The following DOCK11 variants were observed in gnomAD, a reference collection of about 807,000 sequenced individuals.
DOCK11 encodes the protein dedicator of cytokinesis 11.
Under a neutral mutation model 169.1 loss-of-function variants are expected in DOCK11, and 70 were observed. The observed-to-expected ratio is 0.41, with a 90% confidence interval of 0.34 to 0.51. DOCK11 has a LOEUF of 0.51. Among genes scored for constraint, DOCK11 ranks in the 20% least tolerant of loss-of-function variants. The pLI, the probability that DOCK11 is intolerant of heterozygous loss-of-function variation, is 0.10. For missense variants in DOCK11, 1,166 were observed against 1,538.8 expected, an observed-to-expected ratio of 0.76 and a Z score of 4.05; for synonymous variants, 529 against 541.3, an observed-to-expected ratio of 0.98 and a Z score of 0.32.
chrX:118,664,204 G>A (rs1315671896), intron 45 of DOCK11, among the ~76,000 whole-genome samples: 1 of 111,144 alleles, frequency 9.0e-6, no homozygotes, highest in Non-Finnish European at 1.9e-5. Context: ...CTGTGGGAGG[G>A]GAAGGGTCAA....
intron 4 of DOCK11, among the ~76,000 whole-genome samples, 185 bp downstream of exon 4, chrX:118,543,778 G>T (rs992002909): frequency 1.3e-4 from 14 of 111,880 alleles, no homozygotes; most frequent in African/African-American, 3.6e-4. Flanking sequence ...GTGAAACCCT[G>T]TCTCTACTAA....
intron 7 of DOCK11, 103 bp from the exon 8 acceptor site, chrX:118,565,902 G>A (rs766363300): frequency 1.2e-4 from 91 of 772,824 alleles, no homozygotes; most frequent in Non-Finnish European, 1.7e-4. Context: ...AAGTCTTGAC[G>A]CACATATGCA....
At chrX:118,568,370 T>TTA (rs397839351) in intron 10 of DOCK11, among the ~76,000 whole-genome samples, 193 of 36,631 alleles carry the variant, frequency 5.3e-3, no homozygotes, top group Admixed American at 7.4e-3. Flanking sequence ...TGGGGCTGAA[T>TTA]TATATATATA....
rs774580960 is a variant in DOCK11 at position 118,654,929 on chromosome X, C to T, written c.4937C>T (p.Ala1646Val). ...SEAAMCYVHV[A>V]ALVAEFLHRK... The stretch of plus-strand genomic sequence containing the variant: ...GCTGCGATGTGTTATGTCCATGTAG[C>T]AGCTCTAGTTGCAGAGTTTCTTCAT... The change falls in exon 44 of 53, where the codon GCA becomes GTA. Residue 1646 changes from alanine (A) to valine (V), a missense_variant. Physicochemically the swap from Ala to Val is moderately conservative, Grantham distance 64. Coordinates refer to ENST00000276202, the MANE Select transcript of DOCK11 (RefSeq NM_144658.4). 1 of 1,209,326 alleles carries T rather than the reference C, an allele frequency of 8.3e-7. No homozygotes were observed. The highest frequency in any genetic ancestry group is 1.1e-6 in the Non-Finnish European group (1 of 893,275).
intron 35 of DOCK11, among the ~76,000 whole-genome samples, chrX:118,634,597 C>A (rs191248127): frequency 2.7e-4 from 30 of 112,870 alleles, no homozygotes; most frequent in African/African-American, 9.3e-4. Flanking sequence ...CAGGCAGTGG[C>A]GCAGCAAGCT....
chrX:118,600,973 T>A (rs2014319730), intron 23 of DOCK11, among the ~76,000 whole-genome samples: 1 of 110,959 alleles, frequency 9.0e-6, no homozygotes, highest in African/African-American at 3.3e-5. Flanking sequence ...CCGAGTGAGA[T>A]AGGAATATGG....
intron 11 of DOCK11, 73 bp downstream of exon 11, chrX:118,572,536 A>G (rs999006012): frequency 9.8e-7 from 1 of 1,017,001 alleles, no homozygotes; most frequent in African/African-American, 1.9e-5. Flanking sequence ...AATAATTTGT[A>G]CACCAAACCT....
At chrX:118,640,655 A>G (rs2015506367) in intron 38 of DOCK11, among the ~76,000 whole-genome samples, 1 of 112,530 alleles carries the variant, frequency 8.9e-6, no homozygotes, top group Non-Finnish European at 1.9e-5. Context: ...GCCAGAGTTC[A>G]TCACTGAAAC....
At chrX:118,576,600 G>T (rs1333561694) in intron 12 of DOCK11, among the ~76,000 whole-genome samples, 1 of 112,105 alleles carries the variant, frequency 8.9e-6, no homozygotes, top group African/African-American at 3.2e-5. Flanking sequence ...TAAGGTGCGT[G>T]GTTCTAAGAA....
In DOCK11 at chrX:118,683,094, A is replaced by G; in HGVS notation, c.5979A>G (p.Ala1993=). The change falls in exon 52 of 53, where the codon GCA becomes GCG. Residue 1993 remains alanine (A), a synonymous_variant. Coordinates refer to ENST00000276202, the MANE Select transcript of DOCK11 (RefSeq NM_144658.4). The part of the protein sequence containing the change: ...LKDMFRKFIQ[A]CSIALELNER... ...TCATCCACAGGAAATTTATACAAGC[A>G]TGCAGCATTGCACTTGAACTAAATG... The G allele has an allele frequency of 2.5e-6, 3 of 1,209,271 alleles. No homozygotes were observed. Among genetic ancestry groups the G allele is most frequent in the African/African-American group, 3.5e-5 (2 of 57,757 alleles).
intron 6 of DOCK11, among the ~76,000 whole-genome samples, chrX:118,557,883 G>A (rs971302428): frequency 9.3e-6 from 1 of 107,774 alleles, no homozygotes; most frequent in African/African-American, 3.4e-5. Flanking sequence ...TGTAAAGTAA[G>A]ATGGGAAGCC....
rs952643747 is a variant in DOCK11 at position 118,606,081 on chromosome X, A to ATTTTT, written c.2681+744_2681+748dup. Reference sequence around the variant, plus strand: ...GGGGCTGGTTCAGCTGAGGAACAGAATTTTTTTTTTTTTTTTTTTTTTTGA... The same window carrying ATTTTT: ...GGGGCTGGTTCAGCTGAGGAACAGAATTTTTTTTTTTTTTTTTTTTTTTTTTTTGA... On this transcript the variant is annotated intron_variant, in intron 24 of 52. Coordinates refer to ENST00000276202, the MANE Select transcript of DOCK11 (RefSeq NM_144658.4). 2.4e-3 allele frequency among the ~76,000 whole-genome samples: 170 copies of ATTTTT among 71,041 alleles called. 4 individuals carry two copies. Among genetic ancestry groups the ATTTTT allele is most frequent in the Non-Finnish European group, 3.4e-3 (132 of 39,384 alleles). The allele number at this position is 71,041 out of a possible 115,157, so 61.7% of individuals were successfully genotyped here.
At chrX:118,542,296 G>A (rs984289211) in intron 1 of DOCK11, among the ~76,000 whole-genome samples, 2 of 108,034 alleles carry the variant, frequency 1.9e-5, no homozygotes, top group Admixed American at 1.0e-4. Context: ...TCAGCCTCCC[G>A]AGTGGCTGGG....
intron 21 of DOCK11, 85 bp downstream of exon 21, chrX:118,597,637 T>C: frequency 9.0e-7 from 1 of 1,113,678 alleles, no homozygotes. Context: ...TTTAGTACAA[T>C]GTTACTCAAA....
chrX:118,596,402 A>G (rs2014168204), intron 20 of DOCK11, among the ~76,000 whole-genome samples: 1 of 112,504 alleles, frequency 8.9e-6, no homozygotes, highest in Non-Finnish European at 1.9e-5. Context: ...GCCAAATTAA[A>G]CACATAAATG....
chrX:118,586,255 T>G (rs375615493), intron 16 of DOCK11, among the ~76,000 whole-genome samples: 3 of 111,653 alleles, frequency 2.7e-5, no homozygotes, highest in African/African-American at 6.5e-5. Context: ...TTCACACGGC[T>G]ATAAAGATAC....
rs1043642775 is a variant in DOCK11 at position 118,641,008 on chromosome X, G to C, written c.4145-182G>C. ...CAGGTTTCATCATGCTAGCCAGGCT[G>C]GTCTTGAACTGACCTCATGATCTGT... On this transcript the variant is annotated intron_variant, in intron 38 of 52. Coordinates refer to ENST00000276202, the MANE Select transcript of DOCK11 (RefSeq NM_144658.4). Among the ~76,000 whole-genome samples the C allele has an allele frequency of 1.1e-4, 12 of 111,026 alleles. No homozygotes were observed. In the Admixed American group the frequency reaches 1.2e-3, roughly 11 times the overall value.
At chrX:118,677,673 C>T (rs1485074420) in intron 48 of DOCK11, among the ~76,000 whole-genome samples, 1 of 112,544 alleles carries the variant, frequency 8.9e-6, no homozygotes, top group Non-Finnish European at 1.9e-5. Flanking sequence ...ACATATATCT[C>T]TTGGAGATGA....
intron 1 of DOCK11, among the ~76,000 whole-genome samples, chrX:118,500,231 G>A (rs777827235): frequency 4.6e-5 from 5 of 109,662 alleles, no homozygotes; most frequent in South Asian, 7.8e-4. Context: ...TGTATTTTTA[G>A]TAGAGACGGG....
Sources: gnomAD v4.1 joint callset for allele counts (sites outside exome capture counted in the v4.1 genomes callset) on GRCh38, gnomAD v4.1.1 for gene constraint, MANE v1.5 for transcripts, NCBI Gene and HGNC (gene_info 2026-07-23, HGNC 2026-07-21) for gene names.